Variants in ANKIB1 observed in about 807,000 individuals in gnomAD.
ANKIB1 encodes ankyrin repeat and IBR domain-containing protein 1.
ANKIB1 carries 43 observed loss-of-function variants against 122.1 expected under a neutral mutation model. The ratio of observed to expected loss-of-function variants is 0.35; its 90% CI spans 0.28 to 0.45. The LOEUF is 0.45. Ranked by LOEUF, ANKIB1 falls within the 20% of genes least tolerant of loss-of-function variation. ANKIB1 has a pLI of 1.00. For missense variants in ANKIB1, 992 were observed against 1,329.5 expected (o/e 0.75, Z 3.95); for synonymous variants, 390 against 442.0 (o/e 0.88, Z 1.48).
chr7:92,398,644 C>T lies in ANKIB1; in HGVS notation c.2965C>T (p.Pro989Ser). The T allele has an allele frequency of 3.1e-6, 5 of 1,613,886 alleles. No homozygotes were observed. The highest frequency in any genetic ancestry group is 4.2e-6 in the Non-Finnish European group (5 of 1,179,854). The change falls in exon 20 of 20, where the codon CCT becomes TCT. Residue 989 changes from proline (P) to serine (S), a missense_variant. Physicochemically the swap from Pro to Ser is moderately conservative, Grantham distance 74. Transcript: ENST00000265742. ...DMNPQSIALIPPATTEISADS... is the reference protein window; with the variant it reads ...DMNPQSIALISPATTEISADS... ...GAACCCTCAGAGTATTGCCCTGATTCCTCCAGCAACTACAGAAATCAGTGC... is the reference window on the plus strand; with the variant it reads ...GAACCCTCAGAGTATTGCCCTGATTTCTCCAGCAACTACAGAAATCAGTGC...
rs183628052 is a variant in ANKIB1, at chr7:92,289,890, C to T, written c.-90-4999C>T. On this transcript the variant is annotated intron_variant, in intron 1 of 19. Coordinates refer to ENST00000265742, the MANE Select transcript of ANKIB1 (RefSeq NM_019004.2). Reference sequence around the variant, plus strand: ...GGAGTTGGGTAGCACTATCTCGGCTCACTGCAACTTCCACCTCCTGGGCTC... The same window carrying T: ...GGAGTTGGGTAGCACTATCTCGGCTTACTGCAACTTCCACCTCCTGGGCTC... Among the ~76,000 whole-genome samples the T allele has an allele frequency of 4.6e-5, 7 of 152,334 alleles. No homozygotes were observed. The East Asian group carries it at 1.2e-3, about 25-fold the overall frequency.
intron 1 of ANKIB1, among the ~76,000 whole-genome samples, chr7:92,257,451 T>G (rs1801471883): frequency 6.6e-6 from 1 of 152,190 alleles, no homozygotes; most frequent in South Asian, 2.1e-4. Flanking sequence ...GAATTGGTGG[T>G]TTTTGATTAT....
chr7:92,330,975 C>T (rs1006376634), intron 5 of ANKIB1, among the ~76,000 whole-genome samples: 2 of 152,126 alleles, frequency 1.3e-5, no homozygotes, highest in African/African-American at 4.8e-5. Flanking sequence ...GGGTTCATAG[C>T]ACCAGAAGGT....
chr7:92,295,332 T>G (rs746304711), intron 2 of ANKIB1, among the ~76,000 whole-genome samples, 166 bp downstream of exon 2: 1 of 152,196 alleles, frequency 6.6e-6, no homozygotes, highest in Admixed American at 6.5e-5. Flanking sequence ...AATTAAACTT[T>G]CTAAAACCAA....
chr7:92,313,331 C>T (rs984863239), intron 3 of ANKIB1, among the ~76,000 whole-genome samples: 2 of 152,196 alleles, frequency 1.3e-5, no homozygotes, highest in South Asian at 2.1e-4. Flanking sequence ...ATTGAAAAGT[C>T]GTAAAAACCA....
At chr7:92,268,840 G>A (rs978902735) in intron 1 of ANKIB1, among the ~76,000 whole-genome samples, 2 of 151,982 alleles carry the variant, frequency 1.3e-5, no homozygotes, top group African/African-American at 2.4e-5. Flanking sequence ...ATTTCCTTTC[G>A]GCTTGCATCT....
At chr7:92,277,859 G>A (rs1324002529) in intron 1 of ANKIB1, among the ~76,000 whole-genome samples, 1 of 152,108 alleles carries the variant, frequency 6.6e-6, no homozygotes, top group Non-Finnish European at 1.5e-5. Flanking sequence ...CGAGACAGGT[G>A]GATCACCTGA....
At chr7:92,315,210 G>T (rs1034981191) in intron 3 of ANKIB1, among the ~76,000 whole-genome samples, 5 of 152,162 alleles carry the variant, frequency 3.3e-5, no homozygotes, top group Admixed American at 6.5e-5. Flanking sequence ...ACAATTAACA[G>T]ACATTAGAAA....
At chr7:92,330,700 G>A (rs1281408843) in intron 5 of ANKIB1, among the ~76,000 whole-genome samples, 1 of 152,002 alleles carries the variant, frequency 6.6e-6, no homozygotes, top group Admixed American at 6.6e-5. Flanking sequence ...AAATTAGCAG[G>A]GCGTGGTGGT....
intron 11 of ANKIB1, among the ~76,000 whole-genome samples, chr7:92,374,625 G>C (rs988916566): frequency 1.3e-5 from 2 of 152,110 alleles, no homozygotes; most frequent in Non-Finnish European, 2.9e-5. Context: ...AACAGAACTT[G>C]AGGGCCATAG....
intron 1 of ANKIB1, among the ~76,000 whole-genome samples, chr7:92,248,328 C>T (rs1801243952): frequency 6.6e-6 from 1 of 152,034 alleles, no homozygotes; most frequent in Admixed American, 6.6e-5. Context: ...TAGGTGACTC[C>T]TGAAACATGG....
At chr7:92,272,006 A>C (rs1465474645) in intron 1 of ANKIB1, among the ~76,000 whole-genome samples, 1 of 152,174 alleles carries the variant, frequency 6.6e-6, no homozygotes, top group Non-Finnish European at 1.5e-5. Flanking sequence ...ATGGAATGGT[A>C]GTTACTAGGG....
At chr7:92,248,517 T>C (rs1287191227) in intron 1 of ANKIB1, among the ~76,000 whole-genome samples, 1 of 152,218 alleles carries the variant, frequency 6.6e-6, no homozygotes, top group East Asian at 1.9e-4. Context: ...TATAAGTAGA[T>C]GGAAGAACTA....
intron 17 of ANKIB1, among the ~76,000 whole-genome samples, chr7:92,393,090 C>T (rs1373762309): frequency 6.6e-6 from 1 of 152,020 alleles, no homozygotes; most frequent in African/African-American, 2.4e-5. Context: ...GGGTACAGAA[C>T]AAATGAGGAA....
intron 17 of ANKIB1, among the ~76,000 whole-genome samples, chr7:92,393,096 A>G (rs1448276695): frequency 6.6e-6 from 1 of 152,120 alleles, no homozygotes; most frequent in African/African-American, 2.4e-5. Context: ...AGAACAAATG[A>G]GGAAATCTTT....
intron 4 of ANKIB1, 94 bp downstream of exon 4, chr7:92,319,606 GTTC>G (rs144102934): frequency 0.097 from 121,584 of 1,248,604 alleles, 7,972 homozygotes; most frequent in East Asian, 0.34. Context: ...CAGTTTGTGT[GTTC>G]TTCTTTACAG....
chr7:92,258,682 T>C (rs1013522), intron 1 of ANKIB1, among the ~76,000 whole-genome samples: 15,477 of 152,236 alleles, frequency 0.1, 980 homozygotes, highest in East Asian at 0.36. Context: ...AAATTAATTA[T>C]AATTCCAAAC....
intron 1 of ANKIB1, among the ~76,000 whole-genome samples, chr7:92,287,744 G>GA (rs1166567876): frequency 9.4e-5 from 14 of 149,686 alleles, no homozygotes; most frequent in South Asian, 8.4e-4. Context: ...AATATAAAAG[G>GA]AAAAAAAAAG....
At chr7:92,263,889 GTCTT>G (rs1801613369) in intron 1 of ANKIB1, among the ~76,000 whole-genome samples, 1 of 152,130 alleles carries the variant, frequency 6.6e-6, no homozygotes, top group Non-Finnish European at 1.5e-5. Flanking sequence ...TTAATTATGT[GTCTT>G]AATTTGGGAT....
Sources: gnomAD v4.1 joint callset for allele counts (sites outside exome capture counted in the v4.1 genomes callset) on GRCh38, gnomAD v4.1.1 for gene constraint, MANE v1.5 for transcripts, NCBI Gene and HGNC (gene_info 2026-07-23, HGNC 2026-07-21) for gene names.